DYNC1H1: variants seen among roughly 807,000 people sequenced by gnomAD.
DYNC1H1 encodes the protein cytoplasmic dynein 1 heavy chain 1.
In DYNC1H1, 51 loss-of-function variants were observed where a neutral mutation model predicts 527.1. The ratio of observed to expected loss-of-function variants is 0.10; its 90% CI spans 0.08 to 0.12. The LOEUF (loss-of-function observed/expected upper bound fraction) is 0.12. DYNC1H1 is among the 10% of genes least tolerant of loss of function. The pLI, the probability that DYNC1H1 is intolerant of heterozygous loss-of-function variation, is 1.00. For missense variants in DYNC1H1, 2,771 were observed against 5,971.8 expected, an observed-to-expected ratio of 0.46 and a Z score of 17.66; for synonymous variants, 2,189 against 2,278.8, an observed-to-expected ratio of 0.96 and a Z score of 1.12.
chr14:102,026,711 G>T lies in DYNC1H1; in HGVS notation c.8771+4G>T, dbSNP rs1555410867. The stretch of plus-strand genomic sequence containing the variant: ...ACCACGTGCTGAGGATTGACAGGTG[G>T]GCTTTTTTGTTGTTACAGCCCCACC... On this transcript the variant is annotated splice_donor_region_variant and intron_variant, in intron 44 of 77. Coordinates refer to ENST00000360184, the MANE Select transcript of DYNC1H1 (RefSeq NM_001376.5). 1 of 1,613,798 alleles carries T rather than the reference G, an allele frequency of 6.2e-7. No homozygotes were observed. The highest frequency in any genetic ancestry group is 1.7e-5 in the Admixed American group (1 of 59,968).
chr14:102,030,307 G>C (rs777869933), intron 51 of DYNC1H1, 25 bp downstream of exon 51: 1 of 1,614,064 alleles, frequency 6.2e-7, no homozygotes, highest in Non-Finnish European at 8.5e-7. Flanking sequence ...TCAGAGCTTT[G>C]ATGTCTAGGA....
At position 101,975,757 on chromosome 14, in the gene DYNC1H1, A is replaced by G; in HGVS notation, c.302A>G (p.Tyr101Cys). The G allele has an allele frequency of 6.2e-7, 1 of 1,613,828 alleles. No individual in the cohort carries two copies. The highest frequency in any genetic ancestry group is 8.5e-7 in the Non-Finnish European group (1 of 1,179,766). The change falls in exon 2 of 78, where the codon TAT (tyrosine) becomes TGT (cysteine). Residue 101 changes from tyrosine (Y) to cysteine (C), a missense_variant. Transcript: ENST00000360184. Reference protein sequence around the residue: ...EGEEEKEFISYNINIDIHYGV... With the variant: ...EGEEEKEFISCNINIDIHYGV... ...GAAGAAGAAAAAGAATTCATTTCCT[A>G]TAACATCAACATAGACATTCATTAT...
intron 1 of DYNC1H1, among the ~76,000 whole-genome samples, chr14:101,967,517 C>G (rs2047682019): frequency 6.6e-6 from 1 of 151,720 alleles, no homozygotes; most frequent in South Asian, 2.1e-4. Flanking sequence ...TTTTAGCTAC[C>G]CCAGCTAGCC....
At chr14:102,014,822 GA>G (rs2048301496) in intron 34 of DYNC1H1, among the ~76,000 whole-genome samples, 1 of 151,988 alleles carries the variant, frequency 6.6e-6, no homozygotes, top group Non-Finnish European at 1.5e-5. Context: ...CATAAGTGCA[GA>G]AAAAATTTTT....
chr14:102,005,281 A>C lies in DYNC1H1; in HGVS notation c.5433+45A>C, dbSNP rs766666191. Reference sequence around the variant, plus strand: ...CCTTCCTTACCAGTTAGACTCTTACACCCTCAACCACACAGTTAAATGGAA... The same window carrying C: ...CCTTCCTTACCAGTTAGACTCTTACCCCCTCAACCACACAGTTAAATGGAA... On this transcript the variant is annotated intron_variant, in intron 26 of 77. Coordinates refer to ENST00000360184, the MANE Select transcript of DYNC1H1 (RefSeq NM_001376.5). The surrounding 1 kb of genome is among the most constrained non-coding windows in gnomAD (Gnocchi z 4.0). 1.2e-6 allele frequency: 2 copies of C among 1,607,808 alleles called. No individual in the cohort carries two copies. Among genetic ancestry groups the C allele is most frequent in the South Asian group, 2.2e-5 (2 of 90,890 alleles).
Position 102,030,447 on chromosome 14 carries a change from T to G in DYNC1H1, c.9883+165T>G. 4.0e-6 allele frequency: 4 copies of G among 1,005,800 alleles called. No homozygotes were observed. The East Asian group carries it at 7.8e-5, about 20-fold the overall frequency. 62.3% of individuals were successfully genotyped at this position (1,005,800 alleles called of 1,614,324 possible). A position where few individuals can be genotyped will look rare whatever the true frequency, so the allele number is the denominator to read the frequency against. ...GAAGCTTTTTCTGAATGCTTGAGAT[T>G]GTCTTCATCTCTCAAAGCAAAGTTC... On this transcript the variant is annotated intron_variant, in intron 51 of 77. Transcript: ENST00000360184.
chr14:102,020,484 C>T lies in DYNC1H1; in HGVS notation c.8507+428C>T, dbSNP rs2048372616. Among the ~76,000 whole-genome samples the T allele has an allele frequency of 6.6e-6, 1 of 152,202 alleles. No individual in the cohort carries two copies. ...ACTGCTGAGTTAAAAGGTCTCCCAACAACTGCCCAGTGTGCGTGTTCCGTA... is the reference window on the plus strand; with the variant it reads ...ACTGCTGAGTTAAAAGGTCTCCCAATAACTGCCCAGTGTGCGTGTTCCGTA... On this transcript the variant is annotated intron_variant, in intron 42 of 77. Coordinates refer to ENST00000360184, the MANE Select transcript of DYNC1H1 (RefSeq NM_001376.5). The surrounding 1 kb of genome is among the most constrained non-coding windows in gnomAD (Gnocchi z 4.3).
At chr14:101,988,635 C>G in intron 9 of DYNC1H1, 68 bp from the exon 10 acceptor site, 2 of 1,607,244 alleles carry the variant, frequency 1.2e-6, no homozygotes, top group East Asian at 2.2e-5. Context: ...CTACCACTTT[C>G]TGATTGACTT....
Position 102,015,367 on chromosome 14 carries a change from G to C in DYNC1H1, c.7242+35G>C. 6.3e-7 allele frequency: 1 copy of C among 1,575,078 alleles called. No homozygotes were observed. The highest frequency in any genetic ancestry group is 8.6e-7 in the Non-Finnish European group (1 of 1,158,788). Reference sequence around the variant, plus strand: ...GGTGGGACCCCACATATCATGACCTGAGGGTGCTAGGATATTCAGATGTGG... The same window carrying C: ...GGTGGGACCCCACATATCATGACCTCAGGGTGCTAGGATATTCAGATGTGG... On this transcript the variant is annotated intron_variant, in intron 35 of 77. Transcript: ENST00000360184. This position sits in a 1 kb window ranked among gnomAD's most constrained non-coding sequence, Gnocchi z 6.9.
chr14:102,013,471 G>C (rs1338957882), intron 34 of DYNC1H1, among the ~76,000 whole-genome samples: 3 of 151,644 alleles, frequency 2.0e-5, no homozygotes, highest in African/African-American at 7.3e-5. Flanking sequence ...AGTCTCCCAA[G>C]TATTCTGGGC....
chr14:102,040,151 C>G, intron 62 of DYNC1H1, 85 bp from the exon 63 acceptor site: 6 of 1,580,598 alleles, frequency 3.8e-6, no homozygotes, highest in Non-Finnish European at 5.2e-6. Context: ...GGCCTGTTTT[C>G]TCTTTTCTTA....
At chr14:102,023,133 C>T (rs2048406151) in intron 43 of DYNC1H1, 4 of 486,362 alleles carry the variant, frequency 8.2e-6, no homozygotes, top group Admixed American at 5.5e-5. Context: ...GGCAAGGTAA[C>T]TCACGCCTAT....
chr14:102,033,772 T>A lies in DYNC1H1; in HGVS notation c.10414-204T>A. 1 of 699,718 alleles carries A rather than the reference T, an allele frequency of 1.4e-6. No homozygotes were observed. The highest frequency in any genetic ancestry group is 2.7e-5 in the East Asian group (1 of 36,786). 43.3% of individuals were successfully genotyped at this position (699,718 alleles called of 1,614,324 possible). ...CTGAGGGCCTCGCTCCGTACCCAGC[T>A]TCTGCCCCGCTGAGATTCTGAGTCG... is the stretch of plus-strand genomic sequence containing the variant. On this transcript the variant is annotated intron_variant, in intron 54 of 77. Coordinates refer to ENST00000360184, the MANE Select transcript of DYNC1H1 (RefSeq NM_001376.5). The surrounding 1 kb of genome is among the most constrained non-coding windows in gnomAD (Gnocchi z 5.6).
chr14:101,970,058 G>A (rs1595593033), intron 1 of DYNC1H1, among the ~76,000 whole-genome samples: 1 of 152,182 alleles, frequency 6.6e-6, no homozygotes, highest in East Asian at 1.9e-4. Flanking sequence ...AACTTGAAAA[G>A]TACCAAGTCT....
chr14:102,039,808 TTTA>T lies in DYNC1H1; in HGVS notation c.11690+82_11690+84del. The T allele has an allele frequency of 1.4e-6, 2 of 1,462,732 alleles. No individual in the cohort carries two copies. The highest frequency in any genetic ancestry group is 1.4e-5 in the African/African-American group (1 of 71,494). The allele number at this position is 1,462,732 out of a possible 1,614,324, so 90.6% of individuals were successfully genotyped here. On this transcript the variant is annotated intron_variant, in intron 62 of 77. Transcript: ENST00000360184. The surrounding 1 kb of genome is among the most constrained non-coding windows in gnomAD (Gnocchi z 7.0). ...AGGGTTTCATGATCAGATACATGCT[TTTA>T]TTATTTCTTTTATTTTCTCTTTTAT...
Position 102,015,762 on chromosome 14 carries a change from A to G in DYNC1H1, c.7243-94A>G. 7.2e-7 allele frequency: 1 copy of G among 1,392,488 alleles called. No homozygotes were observed. Among genetic ancestry groups the G allele is most frequent in the Non-Finnish European group, 9.9e-7 (1 of 1,005,328 alleles). 86.3% of individuals were successfully genotyped at this position (1,392,488 alleles called of 1,614,324 possible). ...AGCTTCATCCAAAATGAGTTTTCCA[A>G]GGTCGTATGACCTTCTCCTGGGACC... On this transcript the variant is annotated intron_variant, in intron 35 of 77. Transcript: ENST00000360184. The surrounding 1 kb of genome is among the most constrained non-coding windows in gnomAD (Gnocchi z 6.9).
Position 102,027,104 on chromosome 14 carries a change from C to A in DYNC1H1, c.8772-70C>A. 6.7e-7 allele frequency: 1 copy of A among 1,483,222 alleles called. No homozygotes were observed. The highest frequency in any genetic ancestry group is 9.4e-7 in the Non-Finnish European group (1 of 1,061,302). 91.9% of individuals were successfully genotyped at this position (1,483,222 alleles called of 1,614,324 possible). On this transcript the variant is annotated intron_variant, in intron 44 of 77. Coordinates refer to ENST00000360184, the MANE Select transcript of DYNC1H1 (RefSeq NM_001376.5). This position sits in a 1 kb window ranked among gnomAD's most constrained non-coding sequence, Gnocchi z 7.7. ...AAACATGTCCAAAATACTGTAGACA[C>A]TAGATATGAGTCAAAAGGGGAATGA...
In DYNC1H1 at chr14:102,005,101, G is replaced by T. The variant is rs149395439; in HGVS notation, c.5298G>T (p.Leu1766=). ...IAWSENVETA[L]SSMGGGGDAA... ...GGTCTGAGAACGTGGAGACCGCACTGAGCAGCATGGGCGGAGGTGGAGATG... is the reference window on the plus strand; with the variant it reads ...GGTCTGAGAACGTGGAGACCGCACTTAGCAGCATGGGCGGAGGTGGAGATG... The change falls in exon 26 of 78, where the codon CTG becomes CTT. Residue 1766 remains leucine (L), a synonymous_variant. Transcript: ENST00000360184. This position sits in a 1 kb window ranked among gnomAD's most constrained non-coding sequence, Gnocchi z 4.0. The T allele has an allele frequency of 3.6e-3, 5,870 of 1,614,198 alleles. 23 individuals are homozygous for T. The highest frequency in any genetic ancestry group is 4.3e-3 in the Non-Finnish European group (5,024 of 1,180,042).
Position 102,042,849 on chromosome 14 carries a change from G to A in DYNC1H1, c.12513+101G>A, listed in dbSNP as rs1595632321. Reference sequence around the variant, plus strand: ...GTCCCTGGGCCCCCGGAAGTGCCGTGTGGTGAACTGCACAGCTGCTTTTGC... The same window carrying A: ...GTCCCTGGGCCCCCGGAAGTGCCGTATGGTGAACTGCACAGCTGCTTTTGC... On this transcript the variant is annotated intron_variant, in intron 69 of 77. Transcript: ENST00000360184. This position sits in a 1 kb window ranked among gnomAD's most constrained non-coding sequence, Gnocchi z 5.7. The A allele has an allele frequency of 1.5e-6, 2 of 1,323,524 alleles. No homozygotes were observed. Among genetic ancestry groups the A allele is most frequent in the Non-Finnish European group, 2.1e-6 (2 of 938,640 alleles). 82.0% of individuals were successfully genotyped at this position (1,323,524 alleles called of 1,614,324 possible).
Sources: gnomAD v4.1 joint callset for allele counts (sites outside exome capture counted in the v4.1 genomes callset) on GRCh38, gnomAD v4.1.1 for gene constraint, Gnocchi (gnomAD v3.1) non-coding constraint, MANE v1.5 for transcripts, NCBI Gene and HGNC (gene_info 2026-07-23, HGNC 2026-07-21) for gene names.